GRM3: variants seen among roughly 807,000 people sequenced by gnomAD.
The protein encoded by GRM3 is metabotropic glutamate receptor 3.
A neutral mutation model predicts 70.5 loss-of-function variants in GRM3; 26 were observed. That is an observed-to-expected ratio of 0.37 (90% confidence interval 0.27 to 0.51). GRM3 has a LOEUF of 0.51. Ranked by LOEUF, GRM3 falls within the 20% of genes least tolerant of loss-of-function variation. GRM3 has a pLI of 0.93. For synonymous variants in GRM3, 443 were observed against 434.9 expected (o/e 1.02, Z -0.23); for missense variants, 859 against 1,123.8 (o/e 0.76, Z 3.37).
chr7:86,781,241 A>G (rs1014445345), intron 2 of GRM3, among the ~76,000 whole-genome samples: 1 of 152,130 alleles, frequency 6.6e-6, no homozygotes, highest in Non-Finnish European at 1.5e-5. Context: ...CTTCCCCAAA[A>G]AAGCCTTACC....
At chr7:86,832,543 G>T (rs529345345) in intron 3 of GRM3, among the ~76,000 whole-genome samples, 1 of 152,108 alleles carries the variant, frequency 6.6e-6, no homozygotes, top group African/African-American at 2.4e-5. Flanking sequence ...CAGCCACTGC[G>T]CCCGGCCACT....
intron 1 of GRM3, among the ~76,000 whole-genome samples, chr7:86,684,795 G>A (rs945535601): frequency 6.6e-6 from 1 of 152,182 alleles, no homozygotes; most frequent in African/African-American, 2.4e-5. Context: ...TAAATAAAGA[G>A]TCCAACAGCC....
chr7:86,711,981 T>C (rs1427420109), intron 1 of GRM3, among the ~76,000 whole-genome samples: 1 of 152,052 alleles, frequency 6.6e-6, no homozygotes, highest in Non-Finnish European at 1.5e-5. Flanking sequence ...TAATTCAACA[T>C]GACAAAGCAG....
intron 1 of GRM3, among the ~76,000 whole-genome samples, chr7:86,752,328 C>T (rs1320317263): frequency 6.6e-6 from 1 of 152,072 alleles, no homozygotes; most frequent in African/African-American, 2.4e-5. Context: ...CCTTGTGTAA[C>T]ATACACATGC....
At chr7:86,745,827 A>G (rs1796088563) in intron 1 of GRM3, among the ~76,000 whole-genome samples, 1 of 152,100 alleles carries the variant, frequency 6.6e-6, no homozygotes, top group Non-Finnish European at 1.5e-5. Context: ...TCTAAAGTTG[A>G]AGATAAAGTA....
At chr7:86,651,991 C>T (rs775892180) in intron 1 of GRM3, among the ~76,000 whole-genome samples, 2 of 152,154 alleles carry the variant, frequency 1.3e-5, no homozygotes, top group Non-Finnish European at 2.9e-5. Flanking sequence ...AATTTATAGG[C>T]TCATTTTTCA....
intron 1 of GRM3, among the ~76,000 whole-genome samples, chr7:86,689,718 A>G (rs1360329632): frequency 1.3e-5 from 2 of 152,192 alleles, no homozygotes; most frequent in African/African-American, 4.8e-5. Context: ...AAGGATACTG[A>G]TAAGAGCAAT....
At chr7:86,734,828 A>C (rs1481001246) in intron 1 of GRM3, among the ~76,000 whole-genome samples, 4 of 152,064 alleles carry the variant, frequency 2.6e-5, no homozygotes, top group African/African-American at 9.7e-5. Context: ...TTCCCCCTTC[A>C]TCACATACAC....
chr7:86,816,815 C>G (rs1342953817), intron 3 of GRM3, among the ~76,000 whole-genome samples: 1 of 151,772 alleles, frequency 6.6e-6, no homozygotes, highest in African/African-American at 2.4e-5. Context: ...GAATTTACAG[C>G]CTAATAAGCA....
chr7:86,715,693 CCTT>C (rs1390877806), intron 1 of GRM3, among the ~76,000 whole-genome samples: 2 of 151,924 alleles, frequency 1.3e-5, no homozygotes, highest in Non-Finnish European at 2.9e-5. Flanking sequence ...ACATGGGTAA[CCTT>C]CTGGACCAAA....
At chr7:86,681,750 C>G (rs534744567) in intron 1 of GRM3, among the ~76,000 whole-genome samples, 1 of 152,142 alleles carries the variant, frequency 6.6e-6, no homozygotes, top group Admixed American at 6.5e-5. Context: ...TCTTATATTT[C>G]ATCTTCATGA....
chr7:86,759,731 C>T (rs1796433316), intron 1 of GRM3, among the ~76,000 whole-genome samples: 1 of 152,050 alleles, frequency 6.6e-6, no homozygotes, highest in Non-Finnish European at 1.5e-5. Flanking sequence ...AGTGGAGTAA[C>T]ATGGAAGGCT....
intron 4 of GRM3, among the ~76,000 whole-genome samples, chr7:86,846,740 A>G (rs1798662904): frequency 6.6e-6 from 1 of 152,168 alleles, no homozygotes; most frequent in Admixed American, 6.5e-5. Context: ...TAATCATACA[A>G]TTTGGTCAAC....
intron 1 of GRM3, among the ~76,000 whole-genome samples, chr7:86,739,956 G>C (rs933034475): frequency 1.2e-4 from 19 of 152,198 alleles, no homozygotes; most frequent in African/African-American, 3.9e-4. Context: ...GATATTGCAA[G>C]GATTAAAGAA....
intron 1 of GRM3, among the ~76,000 whole-genome samples, chr7:86,660,601 A>G (rs979429945): frequency 6.7e-6 from 1 of 149,066 alleles, no homozygotes; most frequent in South Asian, 2.2e-4. Flanking sequence ...TCATCCATGA[A>G]GATGTATAAG....
At chr7:86,746,353 A>T (rs1233767310) in intron 1 of GRM3, among the ~76,000 whole-genome samples, 1 of 138,876 alleles carries the variant, frequency 7.2e-6, no homozygotes, top group African/African-American at 2.7e-5. Flanking sequence ...ATATATATAT[A>T]TATATATATA....
At chr7:86,859,657 T>C (rs1343653194) in intron 5 of GRM3, among the ~76,000 whole-genome samples, 1 of 152,208 alleles carries the variant, frequency 6.6e-6, no homozygotes, top group Non-Finnish European at 1.5e-5. Context: ...TTTCTGAGAC[T>C]GATGCAAAGT....
At chr7:86,672,222 G>A (rs1794189072) in intron 1 of GRM3, among the ~76,000 whole-genome samples, 1 of 152,128 alleles carries the variant, frequency 6.6e-6, no homozygotes, top group South Asian at 2.1e-4. Context: ...GCTCAGGATT[G>A]TTGACTCTTA....
At chr7:86,861,882 T>A (rs1329699163) in intron 5 of GRM3, among the ~76,000 whole-genome samples, 2 of 151,716 alleles carry the variant, frequency 1.3e-5, no homozygotes, top group African/African-American at 4.8e-5. Context: ...AAAGCAAGAG[T>A]GGAAACAGAC....
Sources: gnomAD v4.1 joint callset for allele counts (sites outside exome capture counted in the v4.1 genomes callset) on GRCh38, gnomAD v4.1.1 for gene constraint, MANE v1.5 for transcripts, NCBI Gene and HGNC (gene_info 2026-07-23, HGNC 2026-07-21) for gene names.